The following TNR variants were observed in gnomAD, a reference collection of about 807,000 sequenced individuals.
TNR encodes the protein tenascin-R.
TNR carries 45 observed loss-of-function variants against 150.4 expected under a neutral mutation model. The observed-to-expected ratio is 0.30, with a 90% CI of 0.24 to 0.38. The LOEUF is 0.38. Ranked by LOEUF, TNR falls within the 10% of genes least tolerant of loss-of-function variation. TNR has a pLI of 1.00. For missense variants in TNR, 1,544 were observed against 1,759.1 expected (o/e 0.88, Z 2.19); for synonymous variants, 687 against 678.4 (o/e 1.01, Z -0.20).
At chr1:175,614,448 C>A (rs916911545) in intron 1 of TNR, among the ~76,000 whole-genome samples, 1 of 152,202 alleles carries the variant, frequency 6.6e-6, no homozygotes, top group Non-Finnish European at 1.5e-5. Context: ...GCCTAGCAGA[C>A]ACTTAAGAGA....
chr1:175,464,966 C>A (rs1015189371), intron 2 of TNR, among the ~76,000 whole-genome samples: 5 of 152,112 alleles, frequency 3.3e-5, no homozygotes, highest in African/African-American at 1.2e-4. Context: ...ACTCATCCTG[C>A]CCTGCCTGTT....
intron 1 of TNR, among the ~76,000 whole-genome samples, chr1:175,738,100 A>G (rs1315639420): frequency 6.6e-6 from 1 of 152,188 alleles, no homozygotes; most frequent in South Asian, 2.1e-4. Context: ...AGCCCCAAGT[A>G]TCCTCCTCCG....
In TNR at chr1:175,485,723, T is replaced by C. The variant is rs187365237; in HGVS notation, c.-64+42546A>G. Among the ~76,000 whole-genome samples, 18 of 152,296 alleles carry C rather than the reference T, an allele frequency of 1.2e-4. 1 individual carries two copies. The Middle Eastern group carries it at 0.017, about 144-fold the overall frequency. ...GAAAAGGAACTGGCCATGGGAATCT[T>C]GTGTGCCAAGGGATTTAGTATAATG... On this transcript the variant is annotated intron_variant, in intron 2 of 22. Transcript: ENST00000367674.
Position 175,396,791 on chromosome 1 carries a change from G to A in TNR, c.993C>T (p.Asp331=). The A allele has an allele frequency of 2.5e-6, 4 of 1,613,452 alleles. No individual in the cohort carries two copies. Among genetic ancestry groups the A allele is most frequent in the Non-Finnish European group, 3.4e-6 (4 of 1,179,420 alleles). ...TGTCGCTGATACCAGCCACTCGCAA[G>A]TCCTCTGGAGGGGCAACTACCGGGA... The part of the protein sequence containing the change: ...PDCSAVAPPE[D]LRVAGISDRS... Residue 331 remains aspartate (D), a synonymous_variant, in exon 5 of 23, where the codon GAC becomes GAT. Transcript: ENST00000367674.
intron 1 of TNR, among the ~76,000 whole-genome samples, chr1:175,666,890 G>A (rs1374256689): frequency 6.6e-6 from 1 of 152,106 alleles, no homozygotes; most frequent in Non-Finnish European, 1.5e-5. Context: ...AGGACTACAG[G>A]CACACACCAC....
At chr1:175,540,774 T>A (rs1235426694) in intron 1 of TNR, among the ~76,000 whole-genome samples, 3 of 152,052 alleles carry the variant, frequency 2.0e-5, no homozygotes, top group Non-Finnish European at 4.4e-5. Context: ...CTACCTCCTT[T>A]CTCCTCACTG....
At chr1:175,654,638 C>T (rs1325414561) in intron 1 of TNR, among the ~76,000 whole-genome samples, 2 of 151,824 alleles carry the variant, frequency 1.3e-5, no homozygotes, top group Non-Finnish European at 2.9e-5. Context: ...CCTCCTTCCT[C>T]CTACACAGCT....
intron 9 of TNR, among the ~76,000 whole-genome samples, chr1:175,375,444 G>A (rs1483996787): frequency 1.3e-5 from 2 of 151,782 alleles, no homozygotes; most frequent in Non-Finnish European, 2.9e-5. Flanking sequence ...TATCCCAGAA[G>A]GAATTCTCTG....
At chr1:175,486,640 G>A (rs1264050758) in intron 2 of TNR, among the ~76,000 whole-genome samples, 1 of 152,230 alleles carries the variant, frequency 6.6e-6, no homozygotes, top group Non-Finnish European at 1.5e-5. Flanking sequence ...TATATACCCA[G>A]TAATGGGATT....
chr1:175,411,141 G>T (rs1654191776), intron 2 of TNR, among the ~76,000 whole-genome samples: 1 of 152,126 alleles, frequency 6.6e-6, no homozygotes, highest in Non-Finnish European at 1.5e-5. Context: ...GAATCTACAA[G>T]GAAACAGATT....
At chr1:175,719,152 A>T (rs954659342) in intron 1 of TNR, among the ~76,000 whole-genome samples, 2 of 152,122 alleles carry the variant, frequency 1.3e-5, no homozygotes, top group Non-Finnish European at 2.9e-5. Flanking sequence ...CTACAGAAGC[A>T]TGGGTGAGAA....
At chr1:175,536,909 G>A (rs1037732486) in intron 1 of TNR, among the ~76,000 whole-genome samples, 55 of 152,300 alleles carry the variant, frequency 3.6e-4, no homozygotes, top group African/African-American at 1.2e-3. Flanking sequence ...TTGGCCAAGT[G>A]GGCCCATTCT....
chr1:175,470,578 G>A (rs537748247), intron 2 of TNR, among the ~76,000 whole-genome samples: 2 of 152,114 alleles, frequency 1.3e-5, no homozygotes, highest in East Asian at 3.9e-4. Context: ...TTTGACACAG[G>A]CATGCAATGT....
At chr1:175,513,731 C>T (rs924067535) in intron 2 of TNR, among the ~76,000 whole-genome samples, 1 of 152,168 alleles carries the variant, frequency 6.6e-6, no homozygotes, top group Non-Finnish European at 1.5e-5. Context: ...CTCCTCAGGA[C>T]CCCTTCCTTA....
At chr1:175,490,677 C>G (rs982756984) in intron 2 of TNR, among the ~76,000 whole-genome samples, 2 of 152,126 alleles carry the variant, frequency 1.3e-5, no homozygotes, top group African/African-American at 4.8e-5. Flanking sequence ...GAGTTACCAT[C>G]TCACACAAGT....
chr1:175,324,223 T>C, intron 22 of TNR, 133 bp downstream of exon 22: 1 of 1,070,542 alleles, frequency 9.3e-7, no homozygotes. Flanking sequence ...GTCTGCATTA[T>C]TTTTCTCAAG....
intron 1 of TNR, among the ~76,000 whole-genome samples, chr1:175,560,149 C>T (rs189042158): frequency 6.6e-6 from 1 of 152,336 alleles, no homozygotes; most frequent in African/African-American, 2.4e-5. Flanking sequence ...ACCTGCTCAG[C>T]TTTTGTTTTA....
In TNR at chr1:175,599,180, G is replaced by C. The variant is rs1663127949; in HGVS notation, c.-164-70811C>G. Among the ~76,000 whole-genome samples the C allele has an allele frequency of 6.6e-6, 1 of 152,154 alleles. No homozygotes were observed. Among genetic ancestry groups the C allele is most frequent in the African/African-American group, 2.4e-5 (1 of 41,430 alleles). ...AGAGAGGAGGGAGGAAGGAGAGCAG[G>C]AGGGAGGGGAAGCTGTCCCCAGCTG... is the stretch of plus-strand genomic sequence containing the variant. On this transcript the variant is annotated intron_variant, in intron 1 of 22. Transcript: ENST00000367674. The surrounding 1 kb of genome is among the most constrained non-coding windows in gnomAD (Gnocchi z 4.7).
chr1:175,475,732 A>G (rs1379200494), intron 2 of TNR, among the ~76,000 whole-genome samples: 4 of 152,138 alleles, frequency 2.6e-5, no homozygotes, highest in Non-Finnish European at 2.9e-5. Flanking sequence ...TTCAAGTAGA[A>G]TTAAGAACCC....
Sources: gnomAD v4.1 joint callset for allele counts (sites outside exome capture counted in the v4.1 genomes callset) on GRCh38, gnomAD v4.1.1 for gene constraint, Gnocchi (gnomAD v3.1) non-coding constraint, MANE v1.5 for transcripts, NCBI Gene and HGNC (gene_info 2026-07-23, HGNC 2026-07-21) for gene names.